Variants in RNPC3 observed in about 807,000 individuals in gnomAD.
RNPC3 encodes the protein RNA-binding region-containing protein 3.
Under a neutral mutation model 67.5 loss-of-function variants are expected in RNPC3, and 48 were observed. The observed-to-expected ratio is 0.71, with a 90% CI of 0.56 to 0.90. The LOEUF is 0.90. Among genes scored for constraint, RNPC3 ranks in the 40% least tolerant of loss-of-function variants. RNPC3 has a pLI of 0.00. For synonymous variants in RNPC3, 239 were observed against 210.3 expected (o/e 1.14, Z -1.18); for missense variants, 637 against 626.1 (o/e 1.02, Z -0.19).
Position 103,526,184 on chromosome 1 carries a change from T to C in RNPC3, c.114T>C (p.Leu38=). 1 of 1,551,510 alleles carries C rather than the reference T, an allele frequency of 6.4e-7. No individual in the cohort carries two copies. Residue 38 remains leucine (L), a synonymous_variant, in exon 1 of 15, where the codon CTT becomes CTC. Transcript: ENST00000423855. ...TLLVRHLPAE[L]TAEEKEDLLK... is the part of the protein sequence containing the mutation. ...TGGTCAGGCACCTGCCGGCTGAGCT[T>C]ACTGCTGAGGAGAAAGAGGACTTGC...
intron 2 of RNPC3, among the ~76,000 whole-genome samples, chr1:103,530,579 A>C (rs190817892): frequency 8.2e-4 from 125 of 152,262 alleles, no homozygotes; most frequent in African/African-American, 2.9e-3. Context: ...AAGTCATAGA[A>C]TCTATATTAT....
At chr1:103,532,977 TAGG>T (rs758239408) in intron 2 of RNPC3, among the ~76,000 whole-genome samples, 1 of 151,956 alleles carries the variant, frequency 6.6e-6, no homozygotes, top group Non-Finnish European at 1.5e-5. Context: ...ATGGGAGAAA[TAGG>T]AGCATGTTTT....
intron 6 of RNPC3, 122 bp downstream of exon 6, chr1:103,536,316 A>G (rs1650986309): frequency 3.0e-6 from 2 of 663,174 alleles, no homozygotes; most frequent in African/African-American, 3.6e-5. Context: ...ACGGGTATAA[A>G]GTAATATGAT....
chr1:103,541,322 T>C, intron 7 of RNPC3, 28 bp from the exon 8 acceptor site: 1 of 1,467,114 alleles, frequency 6.8e-7, no homozygotes, highest in Non-Finnish European at 8.9e-7. Flanking sequence ...AAAGGAAATT[T>C]TGTTTATCAT....
chr1:103,552,933 TG>T (rs916477893), intron 14 of RNPC3, among the ~76,000 whole-genome samples: 7 of 152,360 alleles, frequency 4.6e-5, no homozygotes, highest in African/African-American at 1.7e-4. Flanking sequence ...TGTTAATGTT[TG>T]TTACATTGTT....
Position 103,554,922 on chromosome 1 carries a change from A to G in RNPC3, c.*13-112A>G, listed in dbSNP as rs141380262. 5.9e-5 allele frequency: 9 copies of G among 152,364 alleles called. No individual in the cohort carries two copies. The East Asian group carries it at 1.7e-3, about 29-fold the overall frequency. 9.4% of individuals were successfully genotyped at this position (152,364 alleles called of 1,614,324 possible). On this transcript the variant is annotated intron_variant, in intron 14 of 14. Transcript: ENST00000423855. ...GGTTTATTTAGATAAATTTTGTTAT[A>G]CTGACATGATTCACTAATTTTCTAA...
Position 103,535,390 on chromosome 1 carries a change from C to A in RNPC3, c.504C>A (p.Ile168=), listed in dbSNP as rs1005981939. ...KYMYPPPSST[I]LANIVNALAS... ...TGTACCCACCACCTTCCAGCACAAT[C>A]CTAGCAAACATTGTAAATGCCTTGG... Residue 168 remains isoleucine (I), a synonymous_variant, in exon 5 of 15, where the codon ATC becomes ATA. Coordinates refer to ENST00000423855, the MANE Select transcript of RNPC3 (RefSeq NM_017619.4). 21 of 1,535,666 alleles carry A rather than the reference C, an allele frequency of 1.4e-5. No individual in the cohort carries two copies. Among genetic ancestry groups the A allele is most frequent in the Admixed American group, 2.0e-5 (1 of 50,940 alleles).
At chr1:103,527,586 T>A (rs151044425) in intron 1 of RNPC3, 109 bp from the exon 2 acceptor site, 51 of 800,142 alleles carry the variant, frequency 6.4e-5, no homozygotes, top group Non-Finnish European at 9.0e-5. Flanking sequence ...TTTCATCCTT[T>A]CCCGTGATTT....
At chr1:103,550,254 G>T (rs867874382) in intron 12 of RNPC3, among the ~76,000 whole-genome samples, 25 of 152,018 alleles carry the variant, frequency 1.6e-4, no homozygotes, top group Middle Eastern at 6.8e-3. Flanking sequence ...TCCATTCTTG[G>T]TTATGTAGTA....
At chr1:103,537,865 C>T (rs796493022) in intron 7 of RNPC3, among the ~76,000 whole-genome samples, 17 of 151,862 alleles carry the variant, frequency 1.1e-4, no homozygotes, top group Admixed American at 5.9e-4. Flanking sequence ...ATTTTTGATA[C>T]GGAGTTTCGC....
rs1157892578 is a variant in RNPC3, at chr1:103,526,034, T to A, written c.-37T>A. The A allele has an allele frequency of 2.0e-6, 3 of 1,475,054 alleles. No homozygotes were observed. In the East Asian group the frequency reaches 7.8e-5, roughly 39 times the overall value. 91.4% of individuals were successfully genotyped at this position (1,475,054 alleles called of 1,614,324 possible). A position where few individuals can be genotyped will look rare whatever the true frequency, so the allele number is the denominator to read the frequency against. The stretch of plus-strand genomic sequence containing the variant: ...TGATGCCGCGATTTTGACTGAGACT[T>A]CTTCCCACGATTTCTGTTTTTGCTT... On this transcript the variant is annotated 5_prime_UTR_variant, in exon 1 of 15. Coordinates refer to ENST00000423855, the MANE Select transcript of RNPC3 (RefSeq NM_017619.4).
rs1414723545 is a variant in RNPC3, at chr1:103,535,350, C to T, written c.464C>T (p.Ser155Leu). Residue 155 changes from serine to leucine, a missense_variant, in exon 5 of 15, where the codon TCA becomes TTA. Physicochemically the swap from Ser to Leu is moderately radical, Grantham distance 145. This residue lies in a region of RNPC3 where 536 missense variants were observed against 500.3 expected (regional missense o/e 1.07). Transcript: ENST00000423855. Reference sequence around the variant, plus strand: ...TATAGGCTGACTTTTCCTTTAAATTCATGCCTCAAGTATATGTACCCACCA... The same window carrying T: ...TATAGGCTGACTTTTCCTTTAAATTTATGCCTCAAGTATATGTACCCACCA... ...PNHGLTFPLNSCLKYMYPPPS... is the reference protein window; with the variant it reads ...PNHGLTFPLNLCLKYMYPPPS... 1 of 1,533,936 alleles carries T rather than the reference C, an allele frequency of 6.5e-7. No individual in the cohort carries two copies. The highest frequency in any genetic ancestry group is 8.7e-7 in the Non-Finnish European group (1 of 1,144,936).
At chr1:103,542,769 CAT>C (rs1035607289) in intron 8 of RNPC3, among the ~76,000 whole-genome samples, 24 of 151,540 alleles carry the variant, frequency 1.6e-4, no homozygotes, top group African/African-American at 5.3e-4. Context: ...TGTATGAAAA[CAT>C]AATGTAAAAT....
intron 1 of RNPC3, 73 bp downstream of exon 1, chr1:103,526,335 G>T: frequency 2.3e-6 from 3 of 1,297,666 alleles, no homozygotes; most frequent in South Asian, 1.5e-5. Context: ...GCGCTGACAA[G>T]AGTAAAATGG....
At chr1:103,551,403 T>A (rs1397427986) in intron 13 of RNPC3, 1 of 358,460 alleles carries the variant, frequency 2.8e-6, no homozygotes, top group East Asian at 5.0e-5. Context: ...TATCATTTTA[T>A]TGTAATTTAT....
chr1:103,550,836 G>T, intron 12 of RNPC3, 105 bp from the exon 13 acceptor site: 1 of 1,084,314 alleles, frequency 9.2e-7, no homozygotes, highest in Non-Finnish European at 1.4e-6. Flanking sequence ...CTATCAAATA[G>T]TGTAGTCACT....
chr1:103,539,570 C>G lies in RNPC3; in HGVS notation c.768-1780C>G, dbSNP rs963724509. ...GAAATGCTACAGTAACCTGGCCAAA[C>G]CCTTTTTTGTTTGTTTACTTAGGTT... On this transcript the variant is annotated intron_variant, in intron 7 of 14. Coordinates refer to ENST00000423855, the MANE Select transcript of RNPC3 (RefSeq NM_017619.4). Among the ~76,000 whole-genome samples the G allele has an allele frequency of 5.2e-4, 79 of 152,166 alleles. 3 individuals carry two copies. Among genetic ancestry groups the G allele is most frequent in the Non-Finnish European group, 4.4e-5 (3 of 68,032 alleles).
intron 9 of RNPC3, among the ~76,000 whole-genome samples, chr1:103,543,677 T>A (rs1196082174): frequency 6.6e-6 from 1 of 151,752 alleles, no homozygotes; most frequent in East Asian, 1.9e-4. Context: ...ACCTCTAGAA[T>A]GAAATTTAGT....
rs897543617 is a variant in RNPC3, at chr1:103,525,955, T to C, written c.-116T>C. 9 of 817,228 alleles carry C rather than the reference T, an allele frequency of 1.1e-5. No homozygotes were observed. The highest frequency in any genetic ancestry group is 1.7e-5 in the Non-Finnish European group (9 of 539,106). 50.6% of individuals were successfully genotyped at this position (817,228 alleles called of 1,614,324 possible). A position where few individuals can be genotyped will look rare whatever the true frequency, so the allele number is the denominator to read the frequency against. Reference sequence around the variant, plus strand: ...GGTGACTTTCTTTCTCGGTATTTCCTGGTTTCCAGAATCCTTAGCGCGAGG... The same window carrying C: ...GGTGACTTTCTTTCTCGGTATTTCCCGGTTTCCAGAATCCTTAGCGCGAGG... On this transcript the variant is annotated 5_prime_UTR_variant, in exon 1 of 15. Transcript: ENST00000423855.
Sources: allele counts gnomAD v4.1 joint callset (sites outside exome capture counted in the v4.1 genomes callset), GRCh38; gene constraint gnomAD v4.1.1; regional missense constraint gnomAD v4.1.1; transcripts MANE v1.5; gene names NCBI Gene and HGNC (gene_info 2026-07-23, HGNC 2026-07-21).